RAPGEF4: variants seen among roughly 807,000 people sequenced by gnomAD.
The protein encoded by RAPGEF4 is RAP guanine-nucleotide-exchange factor (GEF) 4.
In RAPGEF4, 66 loss-of-function variants were observed where a neutral mutation model predicts 147.9. The observed-to-expected ratio is 0.45, with a 90% CI of 0.37 to 0.55. The LOEUF is 0.55. Ranked by LOEUF, RAPGEF4 falls within the 20% of genes least tolerant of loss-of-function variation. The probability of loss-of-function intolerance (pLI) is 0.00; values close to 1 mark genes in which losing one functional copy is unlikely to be tolerated. For synonymous variants in RAPGEF4, 419 were observed against 442.7 expected, an observed-to-expected ratio of 0.95 and a Z score of 0.67; for missense variants, 1,071 against 1,257.3, an observed-to-expected ratio of 0.85 and a Z score of 2.24.
chr2:172,869,490 TTG>T (rs1694986240), intron 4 of RAPGEF4, among the ~76,000 whole-genome samples: 1 of 152,198 alleles, frequency 6.6e-6, no homozygotes, highest in Admixed American at 6.5e-5. Flanking sequence ...ATGGTAAATT[TTG>T]TGTCTTGAGA....
intron 17 of RAPGEF4, among the ~76,000 whole-genome samples, chr2:173,012,793 T>A (rs1467956534): frequency 6.6e-6 from 1 of 152,212 alleles, no homozygotes; most frequent in East Asian, 1.9e-4. Flanking sequence ...TACATATTTT[T>A]CAATCAGTCA....
intron 29 of RAPGEF4, among the ~76,000 whole-genome samples, chr2:173,046,473 A>G (rs528704258): frequency 6.6e-6 from 1 of 152,224 alleles, no homozygotes; most frequent in African/African-American, 2.4e-5. Context: ...TCAGAGGGGC[A>G]TACTGGCAGC....
chr2:172,753,750 C>G (rs1008784564), intron 1 of RAPGEF4, among the ~76,000 whole-genome samples: 1 of 151,932 alleles, frequency 6.6e-6, no homozygotes, highest in Admixed American at 6.6e-5. Context: ...AACCAGATAT[C>G]TGAGACAGCA....
chr2:172,849,123 G>A (rs1301188852), intron 4 of RAPGEF4, among the ~76,000 whole-genome samples: 1 of 151,070 alleles, frequency 6.6e-6, no homozygotes. Context: ...TTATGGTCTG[G>A]ACAAGTTTGC....
intron 6 of RAPGEF4, among the ~76,000 whole-genome samples, chr2:172,944,812 AT>A (rs1687527157): frequency 6.6e-6 from 1 of 152,178 alleles, no homozygotes; most frequent in Non-Finnish European, 1.5e-5. Flanking sequence ...TTCCTAGTCA[AT>A]AAAAGAACAC....
intron 4 of RAPGEF4, among the ~76,000 whole-genome samples, chr2:172,820,996 T>C (rs3769304): frequency 0.059 from 9,056 of 152,246 alleles, 678 homozygotes; most frequent in East Asian, 0.36. Context: ...TAGTCTTTGC[T>C]GAGGTGCTTT....
chr2:172,793,961 C>T (rs1352775628), intron 1 of RAPGEF4, among the ~76,000 whole-genome samples: 1 of 151,766 alleles, frequency 6.6e-6, no homozygotes, highest in Admixed American at 6.6e-5. Context: ...TATGATGAAA[C>T]CCCGCCAGTA....
intron 1 of RAPGEF4, 118 bp downstream of exon 1, chr2:172,736,166 C>T: frequency 5.5e-6 from 4 of 733,198 alleles, no homozygotes; most frequent in Admixed American, 4.6e-5. Context: ...CCGGGGTCCC[C>T]GAGCGGGGGA....
intron 27 of RAPGEF4, among the ~76,000 whole-genome samples, chr2:173,035,801 AG>A (rs1468237893): frequency 2.0e-5 from 3 of 152,250 alleles, no homozygotes. Context: ...TGTAAGTTAG[AG>A]AAAAAATGAT....
At chr2:172,918,359 T>C (rs1049553550) in intron 5 of RAPGEF4, among the ~76,000 whole-genome samples, 1 of 114,516 alleles carries the variant, frequency 8.7e-6, no homozygotes, top group Non-Finnish European at 1.8e-5. Context: ...TTGTGAACTT[T>C]AGATGCTCTT....
chr2:172,812,921 T>A (rs1367764927), intron 3 of RAPGEF4, among the ~76,000 whole-genome samples: 1 of 152,232 alleles, frequency 6.6e-6, no homozygotes, highest in African/African-American at 2.4e-5. Flanking sequence ...GAGACCTAAC[T>A]CATTGACTAT....
At chr2:172,758,043 C>T (rs1268689653) in intron 1 of RAPGEF4, among the ~76,000 whole-genome samples, 2 of 152,070 alleles carry the variant, frequency 1.3e-5, no homozygotes, top group African/African-American at 4.8e-5. Flanking sequence ...ACAAATAGAG[C>T]CCAGTAAAAA....
intron 4 of RAPGEF4, among the ~76,000 whole-genome samples, chr2:172,905,801 T>A (rs1699566956): frequency 6.6e-6 from 1 of 152,260 alleles, no homozygotes; most frequent in African/African-American, 2.4e-5. Flanking sequence ...CCAAAGGATG[T>A]AATTAGGTAT....
chr2:173,016,472 A>C (rs776031028), intron 19 of RAPGEF4, 35 bp downstream of exon 19: 3 of 1,513,538 alleles, frequency 2.0e-6, no homozygotes, highest in South Asian at 2.3e-5. Flanking sequence ...GTGTGCTTTC[A>C]TCAAGTAAAT....
intron 4 of RAPGEF4, among the ~76,000 whole-genome samples, chr2:172,858,825 G>GTTC (rs1693720631): frequency 6.6e-6 from 1 of 152,130 alleles, no homozygotes; most frequent in Admixed American, 6.5e-5. Flanking sequence ...GCCCTCTCAA[G>GTTC]TTATTTCTCC....
At chr2:172,966,711 T>C (rs964690268) in intron 9 of RAPGEF4, among the ~76,000 whole-genome samples, 1 of 152,242 alleles carries the variant, frequency 6.6e-6, no homozygotes, top group African/African-American at 2.4e-5. Flanking sequence ...AAAATCCTTC[T>C]AGCAGTATAT....
intron 8 of RAPGEF4, chr2:172,965,361 C>A: frequency 1.5e-6 from 1 of 649,514 alleles, no homozygotes; most frequent in Non-Finnish European, 2.7e-6. Flanking sequence ...TTAAAGTTCT[C>A]TCATGAGCTG....
At chr2:172,996,754 C>G (rs1444522138) in intron 16 of RAPGEF4, among the ~76,000 whole-genome samples, 200 bp downstream of exon 16, 1 of 152,170 alleles carries the variant, frequency 6.6e-6, no homozygotes, top group African/African-American at 2.4e-5. Context: ...CCTGACTGTT[C>G]TCTAGAAATG....
intron 4 of RAPGEF4, among the ~76,000 whole-genome samples, chr2:172,881,550 A>T (rs1019744078): frequency 2.0e-5 from 3 of 152,228 alleles, no homozygotes; most frequent in Non-Finnish European, 2.9e-5. Context: ...ACTTCCTCGG[A>T]TAGAAGGAAG....
Sources: gnomAD v4.1 joint callset for allele counts (sites outside exome capture counted in the v4.1 genomes callset) on GRCh38, gnomAD v4.1.1 for gene constraint, MANE v1.5 for transcripts, NCBI Gene and HGNC (gene_info 2026-07-23, HGNC 2026-07-21) for gene names.